GALNTL6: variants seen among roughly 807,000 people sequenced by gnomAD.
GALNTL6 encodes the protein polypeptide N-acetylgalactosaminyltransferase-like 6.
A neutral mutation model predicts 73.7 loss-of-function variants in GALNTL6; 46 were observed. The ratio of observed to expected loss-of-function variants is 0.62; its 90% CI spans 0.49 to 0.80. The LOEUF (loss-of-function observed/expected upper bound fraction) is 0.80, where lower values mean the gene tolerates loss of function less well. Among genes scored for constraint, GALNTL6 ranks in the 30% least tolerant of loss-of-function variants. GALNTL6 has a pLI of 0.00. For missense variants in GALNTL6, 604 were observed against 755.0 expected, an observed-to-expected ratio of 0.80 and a Z score of 2.34; for synonymous variants, 259 against 263.7, an observed-to-expected ratio of 0.98 and a Z score of 0.17.
intron 5 of GALNTL6, among the ~76,000 whole-genome samples, chr4:172,536,856 A>G (rs1465471980): frequency 6.6e-6 from 1 of 152,186 alleles, no homozygotes; most frequent in Non-Finnish European, 1.5e-5. Flanking sequence ...CCAAATGCTA[A>G]TCACCAAGAC....
chr4:172,024,347 T>C (rs562706427), intron 2 of GALNTL6, among the ~76,000 whole-genome samples: 199 of 151,916 alleles, frequency 1.3e-3, no homozygotes, highest in African/African-American at 4.5e-3. Flanking sequence ...TATATTCCCA[T>C]TGGATGAAAA....
In GALNTL6 at chr4:172,338,127, G is replaced by A. The variant is rs561780705; in HGVS notation, c.387-10396G>A. 3.9e-5 allele frequency among the ~76,000 whole-genome samples: 6 copies of A among 152,112 alleles called. No homozygotes were observed. In the East Asian group the frequency reaches 9.7e-4, roughly 25 times the overall value. ...GAATTTTTTAATTCTAGAAGCTCTG[G>A]TTATTTTTTTAAGATGTTAATCTCT... On this transcript the variant is annotated intron_variant, in intron 4 of 12. Coordinates refer to ENST00000506823, the MANE Select transcript of GALNTL6 (RefSeq NM_001034845.3).
chr4:172,972,309 A>G (rs188969760), intron 10 of GALNTL6, among the ~76,000 whole-genome samples: 3 of 152,292 alleles, frequency 2.0e-5, no homozygotes, highest in Admixed American at 6.5e-5. Flanking sequence ...TAATATACCT[A>G]TCTAACTCTA....
At chr4:172,601,088 A>G (rs1428727739) in intron 5 of GALNTL6, among the ~76,000 whole-genome samples, 1 of 152,220 alleles carries the variant, frequency 6.6e-6, no homozygotes, top group African/African-American at 2.4e-5. Flanking sequence ...AAATATGAAT[A>G]TAATGAGGAG....
chr4:172,031,237 T>A (rs1741759959), intron 2 of GALNTL6, among the ~76,000 whole-genome samples: 2 of 152,244 alleles, frequency 1.3e-5, no homozygotes, highest in Middle Eastern at 3.4e-3. Flanking sequence ...CTGTACCTTA[T>A]AATATCTGAA....
At chr4:172,353,843 G>GT (rs1163842436) in intron 5 of GALNTL6, among the ~76,000 whole-genome samples, 1 of 152,014 alleles carries the variant, frequency 6.6e-6, no homozygotes, top group Admixed American at 6.6e-5. Context: ...GGCTGAAAGT[G>GT]TTTTTAAATC....
chr4:172,338,290 G>A (rs141569808), intron 4 of GALNTL6, among the ~76,000 whole-genome samples: 95 of 152,154 alleles, frequency 6.2e-4, no homozygotes, highest in African/African-American at 2.1e-3. Context: ...AATATTGCTA[G>A]AGAGTGAGCG....
chr4:172,664,671 C>A (rs889047548), intron 5 of GALNTL6, among the ~76,000 whole-genome samples: 3 of 152,114 alleles, frequency 2.0e-5, no homozygotes, highest in African/African-American at 7.2e-5. Flanking sequence ...TCTCAAAGAC[C>A]TTCTCAGCTT....
chr4:172,592,670 G>GTCTATCTATCTATCTA (rs5864141), intron 5 of GALNTL6, among the ~76,000 whole-genome samples: 1,508 of 142,088 alleles, frequency 0.011, 10 homozygotes, highest in East Asian at 0.024. Context: ...CTGTCTGTCT[G>GTCTATCTATCTATCTA]TCTATCTATC....
intron 5 of GALNTL6, among the ~76,000 whole-genome samples, chr4:172,534,434 A>C (rs941529404): frequency 6.6e-6 from 1 of 152,228 alleles, no homozygotes; most frequent in African/African-American, 2.4e-5. Flanking sequence ...GAAAGCAGCA[A>C]ATCTGGAAAG....
intron 4 of GALNTL6, among the ~76,000 whole-genome samples, chr4:172,346,708 T>C (rs1223903540): frequency 6.6e-6 from 1 of 152,198 alleles, no homozygotes; most frequent in Non-Finnish European, 1.5e-5. Context: ...TATCTCAACT[T>C]TGGAGCCTGG....
intron 2 of GALNTL6, among the ~76,000 whole-genome samples, chr4:172,133,379 T>C (rs552374846): frequency 1.3e-5 from 2 of 152,328 alleles, no homozygotes; most frequent in South Asian, 4.1e-4. Flanking sequence ...AATTAGATTA[T>C]TGGGATTTGG....
chr4:172,961,633 G>A (rs1750062374), intron 10 of GALNTL6, among the ~76,000 whole-genome samples: 1 of 152,126 alleles, frequency 6.6e-6, no homozygotes, highest in Non-Finnish European at 1.5e-5. Context: ...TATCAGAAAA[G>A]GAAAGAAATT....
chr4:172,852,458 A>C (rs1005012828), intron 7 of GALNTL6, among the ~76,000 whole-genome samples: 1 of 152,154 alleles, frequency 6.6e-6, no homozygotes, highest in African/African-American at 2.4e-5. Flanking sequence ...ACAACTAAGC[A>C]AGACAGTGCT....
At chr4:171,884,855 A>T (rs1327142380) in intron 2 of GALNTL6, among the ~76,000 whole-genome samples, 1 of 152,070 alleles carries the variant, frequency 6.6e-6, no homozygotes. Flanking sequence ...CAGGAGTTCA[A>T]GACCAGCCTG....
At chr4:172,697,310 C>T (rs969818407) in intron 5 of GALNTL6, among the ~76,000 whole-genome samples, 2 of 152,134 alleles carry the variant, frequency 1.3e-5, no homozygotes, top group African/African-American at 2.4e-5. Context: ...GGATGCATCC[C>T]TGCTCATCAC....
At chr4:172,006,828 T>G (rs1740858712) in intron 2 of GALNTL6, among the ~76,000 whole-genome samples, 1 of 152,042 alleles carries the variant, frequency 6.6e-6, no homozygotes, top group Admixed American at 6.6e-5. Context: ...GTTCTTTAAT[T>G]ACAGAAGGTT....
At chr4:172,188,664 A>G (rs761289281) in intron 2 of GALNTL6, among the ~76,000 whole-genome samples, 6 of 152,230 alleles carry the variant, frequency 3.9e-5, no homozygotes, top group African/African-American at 1.2e-4. Context: ...AGATTACACT[A>G]TCTGGGAAGC....
chr4:172,454,903 A>AT (rs778989442), intron 5 of GALNTL6, among the ~76,000 whole-genome samples: 2 of 151,954 alleles, frequency 1.3e-5, no homozygotes, highest in Non-Finnish European at 2.9e-5. Context: ...TTTTTTAAAG[A>AT]TTTTTTTTCA....
Sources: allele counts gnomAD v4.1 joint callset (sites outside exome capture counted in the v4.1 genomes callset), GRCh38; gene constraint gnomAD v4.1.1; transcripts MANE v1.5; gene names NCBI Gene and HGNC (gene_info 2026-07-23, HGNC 2026-07-21).